The following CTCF variants were observed in gnomAD, a reference collection of about 807,000 sequenced individuals.
CTCF encodes transcriptional repressor CTCF.
CTCF carries 7 observed loss-of-function variants against 72.3 expected under a neutral mutation model. That is an observed-to-expected ratio of 0.10 (90% CI 0.06 to 0.18). The LOEUF (loss-of-function observed/expected upper bound fraction) is 0.18. CTCF is among the 10% of genes least tolerant of loss of function. CTCF has a pLI of 1.00. For synonymous variants in CTCF, 374 were observed against 315.8 expected (o/e 1.18, Z -1.95); for missense variants, 516 against 949.1 (o/e 0.54, Z 6.00).
At chr16:67,581,252 T>C (rs145378134) in intron 2 of CTCF, among the ~76,000 whole-genome samples, 3 of 152,184 alleles carry the variant, frequency 2.0e-5, no homozygotes, top group Admixed American at 1.3e-4. Flanking sequence ...TTTAATTAGG[T>C]TGGAATCCTA....
intron 2 of CTCF, among the ~76,000 whole-genome samples, chr16:67,590,213 A>G (rs2051722220): frequency 6.6e-6 from 1 of 152,040 alleles, no homozygotes; most frequent in East Asian, 1.9e-4. Context: ...TCTTTGTAGC[A>G]AAAGAACTCC....
intron 8 of CTCF, 103 bp from the exon 9 acceptor site, chr16:67,628,267 T>C: frequency 9.8e-7 from 1 of 1,019,594 alleles, no homozygotes; most frequent in Non-Finnish European, 1.4e-6. Context: ...AGTCTAGACC[T>C]AGCTTGGGTG....
chr16:67,589,034 A>G lies in CTCF; in HGVS notation c.-10+17770A>G, dbSNP rs530479681. On this transcript the variant is annotated intron_variant, in intron 2 of 11. Transcript: ENST00000264010. ...GGCCTGGGTGTAATGGCTCATGCCC[A>G]TAATCCCAACATGTTGGGAGGCTGA... 1.6e-3 allele frequency among the ~76,000 whole-genome samples: 239 copies of G among 152,138 alleles called. 1 individual carries two copies. The highest frequency in any genetic ancestry group is 5.5e-3 in the African/African-American group (229 of 41,560).
intron 1 of CTCF, chr16:67,563,912 C>T (rs887618016): frequency 1.3e-5 from 2 of 152,154 alleles, no homozygotes; most frequent in East Asian, 3.8e-4. Context: ...CTTGACTCGA[C>T]TGGTAATTTG....
chr16:67,562,954 C>T (rs1207121264), intron 1 of CTCF, among the ~76,000 whole-genome samples: 3 of 145,538 alleles, frequency 2.1e-5, no homozygotes, highest in Non-Finnish European at 3.0e-5. Flanking sequence ...CTAGGCCTCC[C>T]TCCTGGCAGC....
chr16:67,637,586 G>C (rs867891157), intron 11 of CTCF, 102 bp from the exon 12 acceptor site: 88 of 910,580 alleles, frequency 9.7e-5, no homozygotes, highest in Admixed American at 3.2e-4. Context: ...TAATAAGGCT[G>C]TCCTGCATTG....
At chr16:67,576,022 G>A (rs1477869169) in intron 2 of CTCF, among the ~76,000 whole-genome samples, 2 of 149,758 alleles carry the variant, frequency 1.3e-5, no homozygotes, top group African/African-American at 4.9e-5. Context: ...GTAGCCAGGT[G>A]TGGTGGTGCA....
intron 2 of CTCF, among the ~76,000 whole-genome samples, chr16:67,596,808 A>G (rs1199468336): frequency 6.6e-6 from 1 of 151,842 alleles, no homozygotes; most frequent in Non-Finnish European, 1.5e-5. Context: ...GACTGGTCTC[A>G]ACTCCTGACC....
At chr16:67,603,675 A>G (rs1362822045) in intron 2 of CTCF, among the ~76,000 whole-genome samples, 1 of 151,614 alleles carries the variant, frequency 6.6e-6, no homozygotes, top group Non-Finnish European at 1.5e-5. Flanking sequence ...AGTACAAAAA[A>G]TTAGCCGGGC....
At chr16:67,583,724 C>G (rs1156951409) in intron 2 of CTCF, among the ~76,000 whole-genome samples, 4 of 151,730 alleles carry the variant, frequency 2.6e-5, no homozygotes, top group Admixed American at 1.3e-4. Context: ...TCTTGATGCT[C>G]TGTGTGGTGA....
intron 2 of CTCF, among the ~76,000 whole-genome samples, chr16:67,604,258 G>A (rs540154555): frequency 6.6e-6 from 1 of 152,084 alleles, no homozygotes; most frequent in East Asian, 1.9e-4. Flanking sequence ...ACAGTGAGCT[G>A]TGATCCTACC....
At chr16:67,591,971 C>T (rs1282714217) in intron 2 of CTCF, among the ~76,000 whole-genome samples, 6 of 151,986 alleles carry the variant, frequency 3.9e-5, no homozygotes, top group African/African-American at 1.5e-4. Context: ...GCTCTGCCTC[C>T]CCAAGTACTG....
At chr16:67,613,637 G>T (rs1195057409) in intron 4 of CTCF, among the ~76,000 whole-genome samples, 1 of 152,154 alleles carries the variant, frequency 6.6e-6, no homozygotes, top group Non-Finnish European at 1.5e-5. Flanking sequence ...TCAGCTGGGT[G>T]TAGTGGCACA....
chr16:67,619,110 C>T (rs1015774170), intron 5 of CTCF, among the ~76,000 whole-genome samples: 1 of 152,126 alleles, frequency 6.6e-6, no homozygotes, highest in African/African-American at 2.4e-5. Flanking sequence ...GGATAGTTAT[C>T]GACTTATGTG....
chr16:67,633,921 G>A (rs2052397405), intron 10 of CTCF, among the ~76,000 whole-genome samples: 1 of 151,992 alleles, frequency 6.6e-6, no homozygotes, highest in Non-Finnish European at 1.5e-5. Flanking sequence ...TGGTATAGTA[G>A]GTAGGGGGAT....
intron 10 of CTCF, among the ~76,000 whole-genome samples, chr16:67,633,599 A>T (rs1332769681): frequency 6.6e-6 from 1 of 152,140 alleles, no homozygotes; most frequent in Non-Finnish European, 1.5e-5. Context: ...AGTAAATAGG[A>T]CCTCACAATG....
intron 5 of CTCF, among the ~76,000 whole-genome samples, chr16:67,617,916 C>G (rs993710482): frequency 3.3e-5 from 5 of 152,188 alleles, no homozygotes; most frequent in East Asian, 1.9e-4. Context: ...GTAATACGTT[C>G]TAAAAATAAG....
intron 2 of CTCF, among the ~76,000 whole-genome samples, chr16:67,596,941 TTC>T (rs1261698370): frequency 2.6e-5 from 4 of 152,194 alleles, no homozygotes; most frequent in Non-Finnish European, 5.9e-5. Context: ...TTCCTCTGAT[TTC>T]TCTTATTACT....
chr16:67,588,861 A>G (rs2051702079), intron 2 of CTCF, among the ~76,000 whole-genome samples: 2 of 150,520 alleles, frequency 1.3e-5, no homozygotes, highest in South Asian at 4.2e-4. Flanking sequence ...TAATTTTTGT[A>G]TTTTTTTTTA....
Sources: gnomAD v4.1 joint callset for allele counts (sites outside exome capture counted in the v4.1 genomes callset) on GRCh38, gnomAD v4.1.1 for gene constraint, MANE v1.5 for transcripts, NCBI Gene and HGNC (gene_info 2026-07-23, HGNC 2026-07-21) for gene names.